KHDRBS2: variants seen among roughly 807,000 people sequenced by gnomAD.
The protein encoded by KHDRBS2 is KH domain-containing, RNA-binding, signal transduction-associated protein 2.
In KHDRBS2, 26 loss-of-function variants were observed where a neutral mutation model predicts 44.3. The observed-to-expected ratio is 0.59, with a 90% CI of 0.43 to 0.81. The LOEUF is 0.81. Among genes scored for constraint, KHDRBS2 ranks in the 40% least tolerant of loss-of-function variants. The probability of loss-of-function intolerance (pLI) is 0.00; values close to 1 mark genes in which losing one functional copy is unlikely to be tolerated. For synonymous variants in KHDRBS2, 194 were observed against 151.1 expected (o/e 1.28, Z -2.08); for missense variants, 476 against 433.1 (o/e 1.10, Z -0.88).
chr6:61,720,961 T>C (rs1772382113), intron 7 of KHDRBS2, among the ~76,000 whole-genome samples: 1 of 150,670 alleles, frequency 6.6e-6, no homozygotes, highest in African/African-American at 2.5e-5. Flanking sequence ...TTGTATAAGG[T>C]GTAAGGAAGG....
chr6:61,749,013 T>TC lies in KHDRBS2; in HGVS notation c.811-16250_811-16249insG, dbSNP rs1380328721. Among the ~76,000 whole-genome samples the TC allele has an allele frequency of 1.3e-3, 175 of 131,570 alleles. 1 individual carries two copies. Among genetic ancestry groups the TC allele is most frequent in the African/African-American group, 4.8e-3 (171 of 35,990 alleles). 86.3% of individuals were successfully genotyped at this position (131,570 alleles called of 152,430 possible). A position where few individuals can be genotyped will look rare whatever the true frequency, so the allele number is the denominator to read the frequency against. The stretch of plus-strand genomic sequence containing the variant: ...TTTTCTTTTCTTTCTTTCTTTCTTT[T>TC]TTTTTTTTTTTTTTTTTGAGACGGA... On this transcript the variant is annotated intron_variant, in intron 6 of 8. Transcript: ENST00000281156.
intron 1 of KHDRBS2, among the ~76,000 whole-genome samples, chr6:62,209,495 CTACCATGT>C (rs1828645530): frequency 6.6e-6 from 1 of 152,232 alleles, no homozygotes; most frequent in Non-Finnish European, 1.5e-5. Context: ...ATACCCGTCA[CTACCATGT>C]TACCATTATA....
At chr6:62,164,074 A>G (rs1253247210) in intron 2 of KHDRBS2, among the ~76,000 whole-genome samples, 2 of 151,952 alleles carry the variant, frequency 1.3e-5, no homozygotes, top group Non-Finnish European at 2.9e-5. Flanking sequence ...TTTTACATTC[A>G]TAATAGATTT....
intron 6 of KHDRBS2, among the ~76,000 whole-genome samples, chr6:61,871,871 C>T (rs1798705066): frequency 6.9e-6 from 1 of 145,592 alleles, no homozygotes. Flanking sequence ...CATGTTCTCA[C>T]TCATAATTGG....
At chr6:61,942,752 G>T (rs1238225186) in intron 4 of KHDRBS2, among the ~76,000 whole-genome samples, 1 of 152,040 alleles carries the variant, frequency 6.6e-6, no homozygotes, top group Admixed American at 6.6e-5. Flanking sequence ...GTATAAAGAG[G>T]TCCTCTCTAC....
At chr6:62,200,635 T>C (rs907281817) in intron 1 of KHDRBS2, among the ~76,000 whole-genome samples, 3 of 152,230 alleles carry the variant, frequency 2.0e-5, no homozygotes, top group Admixed American at 1.3e-4. Flanking sequence ...ACACTGTTGG[T>C]GGGACCATAA....
intron 2 of KHDRBS2, among the ~76,000 whole-genome samples, chr6:62,162,048 C>T (rs1054312309): frequency 2.0e-5 from 3 of 151,964 alleles, no homozygotes; most frequent in Admixed American, 1.3e-4. Context: ...TACAATTTTA[C>T]CAGCTTTTAA....
intron 6 of KHDRBS2, among the ~76,000 whole-genome samples, chr6:61,820,572 A>T (rs1356645847): frequency 1.3e-5 from 2 of 152,024 alleles, no homozygotes; most frequent in African/African-American, 4.8e-5. Flanking sequence ...ACTTCTGGAA[A>T]ATCAATTTAG....
chr6:61,563,824 A>G, the KHDRBS2 span, among the ~76,000 whole-genome samples: 23 of 152,254 alleles, frequency 1.5e-4, no homozygotes, highest in East Asian at 3.7e-3. Flanking sequence ...AGATAGTTAA[A>G]CAAAAAAGCT....
At chr6:62,058,093 T>G (rs1168697034) in intron 2 of KHDRBS2, among the ~76,000 whole-genome samples, 1 of 151,916 alleles carries the variant, frequency 6.6e-6, no homozygotes, top group African/African-American at 2.4e-5. Context: ...CACGTGGCAT[T>G]TTTCTGGTCA....
At chr6:62,167,408 T>C (rs998321934) in intron 2 of KHDRBS2, among the ~76,000 whole-genome samples, 3 of 152,010 alleles carry the variant, frequency 2.0e-5, no homozygotes, top group Non-Finnish European at 4.4e-5. Flanking sequence ...AGTACATGGG[T>C]TGGGCATTAA....
chr6:61,648,021 G>A, the KHDRBS2 span, among the ~76,000 whole-genome samples: 2 of 151,774 alleles, frequency 1.3e-5, no homozygotes, highest in Non-Finnish European at 2.9e-5. Context: ...AAAAATAACA[G>A]CACTGATATC....
chr6:61,989,280 A>G (rs867010286), intron 3 of KHDRBS2, among the ~76,000 whole-genome samples: 16 of 152,180 alleles, frequency 1.1e-4, no homozygotes, highest in Admixed American at 5.2e-4. Flanking sequence ...ATCATTGGAG[A>G]TAGCATCCCT....
chr6:61,677,714 G>C (rs981564952), downstream of KHDRBS2, among the ~76,000 whole-genome samples: 9 of 151,870 alleles, frequency 5.9e-5, no homozygotes, highest in Admixed American at 3.3e-4. Flanking sequence ...TGAACCCATA[G>C]TATTTTCAGG....
intron 4 of KHDRBS2, among the ~76,000 whole-genome samples, chr6:61,939,025 G>A (rs1360836200): frequency 6.6e-6 from 1 of 152,044 alleles, no homozygotes; most frequent in Admixed American, 6.6e-5. Context: ...AGACATTTTT[G>A]ATTGTCACAC....
chr6:61,914,495 A>G (rs1232233476), intron 4 of KHDRBS2, among the ~76,000 whole-genome samples: 2 of 120,534 alleles, frequency 1.7e-5, no homozygotes, highest in African/African-American at 6.3e-5. Context: ...AACATCACAC[A>G]CCGGGGTCTG....
At chr6:61,599,435 T>A in the KHDRBS2 span, among the ~76,000 whole-genome samples, 28 of 151,558 alleles carry the variant, frequency 1.8e-4, no homozygotes, top group Non-Finnish European at 3.8e-4. Context: ...ATGAGTGGAT[T>A]TTTAAAAGTG....
At chr6:61,559,884 CTG>C in the KHDRBS2 span, among the ~76,000 whole-genome samples, 1 of 151,990 alleles carries the variant, frequency 6.6e-6, no homozygotes, top group South Asian at 2.1e-4. Context: ...CTTTGTTTTT[CTG>C]TGTTTACAGT....
chr6:61,700,224 C>CTAT (rs2127545334), intron 7 of KHDRBS2, among the ~76,000 whole-genome samples: 1 of 151,714 alleles, frequency 6.6e-6, no homozygotes, highest in Admixed American at 6.6e-5. Flanking sequence ...CCAAAGTGTG[C>CTAT]TATGTAGCAC....
Sources: allele counts gnomAD v4.1 joint callset (sites outside exome capture counted in the v4.1 genomes callset), GRCh38; gene constraint gnomAD v4.1.1; transcripts MANE v1.5; gene names NCBI Gene and HGNC (gene_info 2026-07-23, HGNC 2026-07-21).